Variants in PLEKHA8 observed in about 807,000 individuals in gnomAD.
The protein encoded by PLEKHA8 is pleckstrin homology domain-containing family A member 8.
A neutral mutation model predicts 68.2 loss-of-function variants in PLEKHA8; 36 were observed. The observed-to-expected ratio is 0.53, with a 90% confidence interval of 0.40 to 0.70. The LOEUF is 0.70. Among genes scored for constraint, PLEKHA8 ranks in the 30% least tolerant of loss-of-function variants. The probability of loss-of-function intolerance (pLI) is 0.00; values close to 1 mark genes in which losing one functional copy is unlikely to be tolerated. For missense variants in PLEKHA8, 505 were observed against 615.4 expected (o/e 0.82, Z 1.90); for synonymous variants, 211 against 216.1 (o/e 0.98, Z 0.20).
chr7:30,046,873 G>T (rs1792001338), intron 3 of PLEKHA8, among the ~76,000 whole-genome samples: 1 of 152,098 alleles, frequency 6.6e-6, no homozygotes. Context: ...ATGCTTAATT[G>T]TCAGGTTCCT....
At chr7:30,109,593 A>AG (rs1796196543) in intron 13 of PLEKHA8, among the ~76,000 whole-genome samples, 1 of 131,312 alleles carries the variant, frequency 7.6e-6, no homozygotes, top group African/African-American at 2.9e-5. Flanking sequence ...TCTCAAAAAA[A>AG]AAAAAAAAAA....
chr7:30,050,841 G>A (rs1271764546), intron 6 of PLEKHA8: 1 of 157,258 alleles, frequency 6.4e-6, no homozygotes, highest in Non-Finnish European at 1.4e-5. Flanking sequence ...CTATTTTGTT[G>A]TGTTTAAAAA....
chr7:30,053,232 G>C (rs565900473), intron 7 of PLEKHA8, among the ~76,000 whole-genome samples: 1 of 152,166 alleles, frequency 6.6e-6, no homozygotes, highest in African/African-American at 2.4e-5. Context: ...CCCGGTTTCT[G>C]TTGGGCCTGA....
At chr7:30,115,603 T>C (rs546751166) in intron 13 of PLEKHA8, among the ~76,000 whole-genome samples, 13 of 150,386 alleles carry the variant, frequency 8.6e-5, no homozygotes, top group South Asian at 2.1e-4. Flanking sequence ...CATGTATACA[T>C]ACATTTATAC....
intron 9 of PLEKHA8, among the ~76,000 whole-genome samples, chr7:30,056,312 C>CTCTCTATA (rs796845171): frequency 0.068 from 6,420 of 94,264 alleles, 473 homozygotes; most frequent in South Asian, 0.1. Flanking sequence ...CTCTCTCTCT[C>CTCTCTATA]TATATATATA....
downstream of PLEKHA8, among the ~76,000 whole-genome samples, chr7:30,085,623 T>A (rs573035029): frequency 8.5e-5 from 13 of 152,312 alleles, no homozygotes; most frequent in East Asian, 7.7e-4. Context: ...AGAGCTGTCC[T>A]GTCCACCCAC....
intron 13 of PLEKHA8, among the ~76,000 whole-genome samples, chr7:30,102,527 C>G (rs951682756): frequency 6.6e-6 from 1 of 152,130 alleles, no homozygotes; most frequent in Admixed American, 6.5e-5. Context: ...AACCCAAGGG[C>G]CTATCAGCAG....
Position 30,028,471 on chromosome 7 carries a change from C to G in PLEKHA8, c.-292C>G, listed in dbSNP as rs1338077054. The G allele has an allele frequency of 1.3e-4, 43 of 329,520 alleles. No individual in the cohort carries two copies. The East Asian group carries it at 2.0e-3, about 15-fold the overall frequency. The allele number at this position is 329,520 out of a possible 1,614,324, so 20.4% of individuals were successfully genotyped here. A position where few individuals can be genotyped will look rare whatever the true frequency, so the allele number is the denominator to read the frequency against. The stretch of plus-strand genomic sequence containing the variant: ...GTTCGCCGCACTTTGGAGGCTTCGG[C>G]TGCCCCTCCGACCCACGTAGGGCCC... On this transcript the variant is annotated 5_prime_UTR_variant, in exon 1 of 14. Coordinates refer to ENST00000449726, the MANE Select transcript of PLEKHA8 (RefSeq NM_001197026.2).
intron 13 of PLEKHA8, among the ~76,000 whole-genome samples, chr7:30,120,014 A>G (rs568534644): frequency 8.9e-4 from 135 of 152,338 alleles, no homozygotes; most frequent in African/African-American, 3.2e-3. Flanking sequence ...TTAAACCTCT[A>G]AGATACAATG....
At chr7:30,124,533 C>T (rs1301188579) in intron 13 of PLEKHA8, among the ~76,000 whole-genome samples, 4 of 152,206 alleles carry the variant, frequency 2.6e-5, no homozygotes, top group South Asian at 2.1e-4. Flanking sequence ...GAAATCTTAG[C>T]AAAGTTTGCC....
rs1794790145 is a variant in PLEKHA8, at chr7:30,079,091, A to G, written c.*304A>G. On this transcript the variant is annotated 3_prime_UTR_variant, in exon 14 of 14. Transcript: ENST00000449726. ...CAAATTTGCTGTTATTGTGTATTGT[A>G]TTGTTTTTATATTTTAGTCTAATGG... 1 of 1,089,612 alleles carries G rather than the reference A, an allele frequency of 9.2e-7. No homozygotes were observed. Among genetic ancestry groups the G allele is most frequent in the Non-Finnish European group, 1.1e-6 (1 of 896,208 alleles). The allele number at this position is 1,089,612 out of a possible 1,614,324, so 67.5% of individuals were successfully genotyped here.
downstream of PLEKHA8, among the ~76,000 whole-genome samples, chr7:30,089,095 G>A (rs1017524604): frequency 6.6e-6 from 1 of 152,118 alleles, no homozygotes; most frequent in Admixed American, 6.5e-5. Flanking sequence ...AGGACTTAAC[G>A]CAAGTATCAG....
rs899316898 is a variant in PLEKHA8, at chr7:30,080,229, A to G, written c.*1442A>G. The G allele has an allele frequency of 1.0e-6, 1 of 985,254 alleles. No individual in the cohort carries two copies. The highest frequency in any genetic ancestry group is 1.7e-5 in the African/African-American group (1 of 57,236). 61.0% of individuals were successfully genotyped at this position (985,254 alleles called of 1,614,324 possible). ...AAGAAACATTGTTTCATAAAACAAT[A>G]TTGAGTGGGCATTCTTCTGCACAGT... On this transcript the variant is annotated 3_prime_UTR_variant, in exon 14 of 14. Coordinates refer to ENST00000449726, the MANE Select transcript of PLEKHA8 (RefSeq NM_001197026.2).
intron 12 of PLEKHA8, 50 bp from the exon 13 acceptor site, chr7:30,074,021 C>T: frequency 6.8e-7 from 1 of 1,477,856 alleles, no homozygotes. Context: ...ACAAATAGCA[C>T]ATCAAATTCT....
At chr7:30,039,418 G>A (rs1791353437) in intron 1 of PLEKHA8, among the ~76,000 whole-genome samples, 2 of 152,186 alleles carry the variant, frequency 1.3e-5, no homozygotes, top group South Asian at 2.1e-4. Flanking sequence ...AGGAGGCTAA[G>A]GCAGGAGAAT....
chr7:30,028,588 C>A lies in PLEKHA8; in HGVS notation c.-175C>A. 7.1e-6 allele frequency: 3 copies of A among 422,562 alleles called. No homozygotes were observed. Among genetic ancestry groups the A allele is most frequent in the Non-Finnish European group, 1.2e-5 (3 of 252,990 alleles). The allele number at this position is 422,562 out of a possible 1,614,324, so 26.2% of individuals were successfully genotyped here. On this transcript the variant is annotated 5_prime_UTR_variant, in exon 1 of 14. Coordinates refer to ENST00000449726, the MANE Select transcript of PLEKHA8 (RefSeq NM_001197026.2). Reference sequence around the variant, plus strand: ...CAAGCGCCGAGGCCGCCGCAGTGACCCCGCCCCCGGGCCGAGGATGTGAGG... The same window carrying A: ...CAAGCGCCGAGGCCGCCGCAGTGACACCGCCCCCGGGCCGAGGATGTGAGG...
intron 13 of PLEKHA8, among the ~76,000 whole-genome samples, chr7:30,103,376 A>G (rs943188232): frequency 3.9e-5 from 6 of 152,258 alleles, no homozygotes; most frequent in East Asian, 3.8e-4. Context: ...TGTGAATTAT[A>G]TCTCAATAAA....
At chr7:30,093,844 T>C (rs992689579), downstream of PLEKHA8, among the ~76,000 whole-genome samples, 3 of 152,218 alleles carry the variant, frequency 2.0e-5, no homozygotes, top group Admixed American at 6.5e-5. Flanking sequence ...GGAAACCACG[T>C]TGGACTTGGA....
At chr7:30,038,612 T>TA (rs1791286530) in intron 1 of PLEKHA8, among the ~76,000 whole-genome samples, 2 of 152,160 alleles carry the variant, frequency 1.3e-5, no homozygotes, top group Admixed American at 1.3e-4. Flanking sequence ...CGGTGGTTAT[T>TA]AAAGGACTAT....
Sources: allele counts gnomAD v4.1 joint callset (sites outside exome capture counted in the v4.1 genomes callset), GRCh38; gene constraint gnomAD v4.1.1; transcripts MANE v1.5; gene names NCBI Gene and HGNC (gene_info 2026-07-23, HGNC 2026-07-21).